The following ADAM2 variants were observed in gnomAD, a reference collection of about 807,000 sequenced individuals.
The protein encoded by ADAM2 is disintegrin and metalloproteinase domain-containing protein 2.
ADAM2 carries 101 observed loss-of-function variants against 99.3 expected under a neutral mutation model. That is an observed-to-expected ratio of 1.02 (90% confidence interval 0.87 to 1.20). The LOEUF is 1.20. Among genes scored for constraint, ADAM2 ranks in the 50% most tolerant of loss-of-function variants. The pLI is 0.00. For missense variants in ADAM2, 948 were observed against 878.7 expected (o/e 1.08, Z -1.00); for synonymous variants, 323 against 287.6 (o/e 1.12, Z -1.25).
rs202055788 is a variant in ADAM2 at position 39,824,800 on chromosome 8, G to A, written c.267+19C>T. ...AGACACTCACATGACAAAAATAAAA[G>A]AGATCATAAAAAACATACCTGAAAA... On this transcript the variant is annotated intron_variant, in intron 4 of 20. Coordinates refer to ENST00000265708, the MANE Select transcript of ADAM2 (RefSeq NM_001464.5). 9.0e-5 allele frequency: 123 copies of A among 1,365,972 alleles called. No individual in the cohort carries two copies. In the East Asian group the frequency reaches 2.8e-3, roughly 31 times the overall value. 84.6% of individuals were successfully genotyped at this position (1,365,972 alleles called of 1,614,324 possible).
At chr8:39,762,277 G>A (rs1303245661) in intron 14 of ADAM2, among the ~76,000 whole-genome samples, 1 of 152,210 alleles carries the variant, frequency 6.6e-6, no homozygotes, top group Non-Finnish European at 1.5e-5. Context: ...CACAGATGAT[G>A]TAGTGAACTG....
In ADAM2 at chr8:39,805,377, GA is replaced by G. The variant is rs577775741; in HGVS notation, c.570+4032del. 1.6e-3 allele frequency among the ~76,000 whole-genome samples: 242 copies of G among 152,242 alleles called. 2 individuals carry two copies. Among genetic ancestry groups the G allele is most frequent in the African/African-American group, 5.5e-3 (229 of 41,558 alleles). ...AAAATATCTAGTTTACAAAGCCAAT[GA>G]AAAGCAAATTCATAGAAATAAACTT... On this transcript the variant is annotated intron_variant, in intron 7 of 20. Transcript: ENST00000265708.
In ADAM2 at chr8:39,788,210, C is replaced by A; in HGVS notation, c.684G>T (p.Leu228Phe). Residue 228 changes from leucine (L) to phenylalanine (F), a missense_variant, in exon 9 of 21, where the codon TTG becomes TTT. Physicochemically the swap from Leu to Phe is conservative, Grantham distance 22 (BLOSUM62 0). Coordinates refer to ENST00000265708, the MANE Select transcript of ADAM2 (RefSeq NM_001464.5). Reference sequence around the variant, plus strand: ...TTTTATTTTCATCTATCCAAAGCTCCAATGAAGACAGAATAATTGTAATAT... The same window carrying A: ...TTTTATTTTCATCTATCCAAAGCTCAAATGAAGACAGAATAATTGTAATAT... Reference protein sequence around the residue: ...SFNITIILSSLELWIDENKIA... With the variant: ...SFNITIILSSFELWIDENKIA... 6.4e-7 allele frequency: 1 copy of A among 1,557,870 alleles called. No individual in the cohort carries two copies.
At chr8:39,823,900 A>G (rs1235533756) in intron 4 of ADAM2, among the ~76,000 whole-genome samples, 1 of 152,162 alleles carries the variant, frequency 6.6e-6, no homozygotes, top group African/African-American at 2.4e-5. Context: ...CTTTACTTTC[A>G]AAACACTTGA....
chr8:39,792,365 A>T (rs896885775), intron 7 of ADAM2, among the ~76,000 whole-genome samples: 8 of 152,094 alleles, frequency 5.3e-5, no homozygotes, highest in African/African-American at 1.9e-4. Flanking sequence ...GGCATAGAGA[A>T]TGGTACATCT....
intron 10 of ADAM2, among the ~76,000 whole-genome samples, chr8:39,786,430 A>G (rs1420768822): frequency 6.6e-6 from 1 of 152,146 alleles, no homozygotes; most frequent in Non-Finnish European, 1.5e-5. Flanking sequence ...ACAAAAAGGC[A>G]AGTTCTGTTT....
At chr8:39,748,690 C>T (rs769155251) in intron 18 of ADAM2, among the ~76,000 whole-genome samples, 27 of 152,160 alleles carry the variant, frequency 1.8e-4, no homozygotes, top group South Asian at 2.1e-4. Flanking sequence ...GCCCAAGTTC[C>T]TTGACCTGCT....
chr8:39,755,713 TA>T lies in ADAM2; in HGVS notation c.1797+14del. ...AAAATATTAGGAAATTATTTGGGAATAAAAGACTACCTACCTTATTTGAACC... is the reference window on the plus strand; with the variant it reads ...AAAATATTAGGAAATTATTTGGGAATAAAGACTACCTACCTTATTTGAACC... On this transcript the variant is annotated intron_variant, in intron 16 of 20. Coordinates refer to ENST00000265708, the MANE Select transcript of ADAM2 (RefSeq NM_001464.5). 2.5e-6 allele frequency: 4 copies of T among 1,596,022 alleles called. No individual in the cohort carries two copies. Among genetic ancestry groups the T allele is most frequent in the Non-Finnish European group, 3.4e-6 (4 of 1,168,214 alleles).
Position 39,752,827 on chromosome 8 carries a change from T to C in ADAM2, c.1797+2901A>G, listed in dbSNP as rs28710802. 5.5e-3 allele frequency among the ~76,000 whole-genome samples: 836 copies of C among 152,258 alleles called. 8 individuals are homozygous for C. Among genetic ancestry groups the C allele is most frequent in the African/African-American group, 0.019 (798 of 41,558 alleles). Reference sequence around the variant, plus strand: ...CCCTGCACACACTCTCTTGCCTGCCTCCACGTAAGACATGCCTTTGTTCCT... The same window carrying C: ...CCCTGCACACACTCTCTTGCCTGCCCCCACGTAAGACATGCCTTTGTTCCT... On this transcript the variant is annotated intron_variant, in intron 16 of 20. Transcript: ENST00000265708.
intron 7 of ADAM2, among the ~76,000 whole-genome samples, chr8:39,797,777 C>T (rs1290607032): frequency 6.6e-6 from 1 of 151,872 alleles, no homozygotes; most frequent in Non-Finnish European, 1.5e-5. Context: ...AGCTGTATTC[C>T]TAGGTATTTT....
intron 7 of ADAM2, among the ~76,000 whole-genome samples, chr8:39,792,424 T>C (rs190041661): frequency 6.6e-6 from 1 of 152,162 alleles, no homozygotes; most frequent in African/African-American, 2.4e-5. Flanking sequence ...GATTCTAAAA[T>C]AGCTTCACTA....
At chr8:39,806,690 T>C (rs987227357) in intron 7 of ADAM2, among the ~76,000 whole-genome samples, 1 of 151,970 alleles carries the variant, frequency 6.6e-6, no homozygotes, top group Non-Finnish European at 1.5e-5. Flanking sequence ...TACCCTGAAA[T>C]GCAAAATGAT....
chr8:39,807,754 A>C (rs548312398), intron 7 of ADAM2, among the ~76,000 whole-genome samples: 189 of 152,226 alleles, frequency 1.2e-3, no homozygotes, highest in African/African-American at 4.2e-3. Context: ...TACAAAGAAA[A>C]CCTAAGAAAA....
intron 6 of ADAM2, among the ~76,000 whole-genome samples, chr8:39,814,551 A>G (rs1228185011): frequency 6.6e-6 from 1 of 152,206 alleles, no homozygotes; most frequent in Non-Finnish European, 1.5e-5. Context: ...TATTACACTG[A>G]TCCATTTGCA....
chr8:39,823,550 A>G (rs1027676045), intron 4 of ADAM2, among the ~76,000 whole-genome samples: 7 of 150,170 alleles, frequency 4.7e-5, no homozygotes, highest in African/African-American at 1.5e-4. Flanking sequence ...TTAACTGTAC[A>G]TTTATCTTTC....
At chr8:39,806,363 A>C (rs910046439) in intron 7 of ADAM2, among the ~76,000 whole-genome samples, 1 of 151,934 alleles carries the variant, frequency 6.6e-6, no homozygotes, top group Non-Finnish European at 1.5e-5. Flanking sequence ...CAACAGAAGA[A>C]TAGAAACAAC....
intron 7 of ADAM2, among the ~76,000 whole-genome samples, chr8:39,807,071 C>T (rs1415833488): frequency 2.0e-5 from 3 of 152,214 alleles, no homozygotes; most frequent in Non-Finnish European, 4.4e-5. Flanking sequence ...GCCTTGCTGG[C>T]AGGACCACCC....
intron 10 of ADAM2, among the ~76,000 whole-genome samples, chr8:39,785,853 A>G (rs1341496653): frequency 6.6e-6 from 1 of 152,006 alleles, no homozygotes; most frequent in Admixed American, 6.6e-5. Flanking sequence ...CCAAAAAGAC[A>G]CTGGCACTTA....
chr8:39,833,091 T>A (rs902425359), intron 3 of ADAM2, among the ~76,000 whole-genome samples: 2 of 152,158 alleles, frequency 1.3e-5, no homozygotes, highest in African/African-American at 4.8e-5. Flanking sequence ...TTGCTCTCAG[T>A]CTCATAACTT....
Sources: allele counts gnomAD v4.1 joint callset (sites outside exome capture counted in the v4.1 genomes callset), GRCh38; gene constraint gnomAD v4.1.1; transcripts MANE v1.5; gene names NCBI Gene and HGNC (gene_info 2026-07-23, HGNC 2026-07-21).